The following SPTLC3 variants were observed in gnomAD, a reference collection of about 807,000 sequenced individuals.
The protein encoded by SPTLC3 is serine palmitoyltransferase long chain base subunit 3, also known as serine palmitoyltransferase 3.
In SPTLC3, 36 loss-of-function variants were observed where a neutral mutation model predicts 59.3. That is an observed-to-expected ratio of 0.61 (90% CI 0.47 to 0.80). SPTLC3 has a LOEUF of 0.80. Among genes scored for constraint, SPTLC3 ranks in the 30% least tolerant of loss-of-function variants. SPTLC3 has a pLI of 0.00. For synonymous variants in SPTLC3, 257 were observed against 240.8 expected (o/e 1.07, Z -0.62); for missense variants, 625 against 685.1 (o/e 0.91, Z 0.98).
chr20:13,096,546 A>G (rs1004078373), intron 6 of SPTLC3, among the ~76,000 whole-genome samples: 1 of 152,130 alleles, frequency 6.6e-6, no homozygotes, highest in Non-Finnish European at 1.5e-5. Flanking sequence ...ACAAACGTGT[A>G]TACATACTGT....
intron 4 of SPTLC3, among the ~76,000 whole-genome samples, chr20:13,082,429 T>C (rs1184305805): frequency 6.6e-6 from 1 of 151,966 alleles, no homozygotes; most frequent in Non-Finnish European, 1.5e-5. Context: ...TGCCCCCTGT[T>C]TTTGTACAGT....
intron 2 of SPTLC3, among the ~76,000 whole-genome samples, chr20:13,059,605 C>T (rs556478057): frequency 2.6e-5 from 4 of 152,148 alleles, no homozygotes; most frequent in African/African-American, 9.7e-5. Flanking sequence ...TGGCAATTAA[C>T]GGTTACAGAT....
chr20:13,114,051 A>C (rs1051543497), intron 7 of SPTLC3, among the ~76,000 whole-genome samples: 4 of 152,172 alleles, frequency 2.6e-5, no homozygotes, highest in African/African-American at 9.7e-5. Context: ...GGGGATTAAA[A>C]CCAGGTGGCC....
intron 11 of SPTLC3, among the ~76,000 whole-genome samples, chr20:13,163,961 T>A (rs2038946860): frequency 6.6e-6 from 1 of 152,268 alleles, no homozygotes; most frequent in African/African-American, 2.4e-5. Flanking sequence ...CGTGCAGGTT[T>A]GTTACATATG....
chr20:13,104,449 T>G (rs567569336), intron 6 of SPTLC3, among the ~76,000 whole-genome samples: 1 of 152,196 alleles, frequency 6.6e-6, no homozygotes, highest in Non-Finnish European at 1.5e-5. Flanking sequence ...TCACGTAAGA[T>G]GTGCCTTTCC....
At chr20:13,060,377 GTTATTTAT>G (rs60787251) in intron 2 of SPTLC3, among the ~76,000 whole-genome samples, 61,253 of 146,078 alleles carry the variant, frequency 0.42, 12,589 homozygotes, top group Middle Eastern at 0.49. Context: ...AAGAGCTAAA[GTTATTTAT>G]TTATTTATTT....
chr20:13,087,026 C>A (rs1189720643), intron 4 of SPTLC3, among the ~76,000 whole-genome samples: 1 of 152,138 alleles, frequency 6.6e-6, no homozygotes, highest in Non-Finnish European at 1.5e-5. Flanking sequence ...AGACTCCTGA[C>A]TTCAAGTAAT....
intron 1 of SPTLC3, among the ~76,000 whole-genome samples, chr20:13,026,315 C>A (rs936386240): frequency 1.3e-5 from 2 of 152,196 alleles, no homozygotes; most frequent in Non-Finnish European, 2.9e-5. Context: ...CTGTCATCCA[C>A]AATGGTTGAA....
intron 6 of SPTLC3, among the ~76,000 whole-genome samples, chr20:13,096,320 G>A (rs928165730): frequency 3.3e-5 from 5 of 151,962 alleles, no homozygotes; most frequent in African/African-American, 1.2e-4. Flanking sequence ...TAAAAGTCTT[G>A]TACAAGAATG....
intron 8 of SPTLC3, 117 bp from the exon 9 acceptor site, chr20:13,126,474 T>C: frequency 1.6e-6 from 2 of 1,233,658 alleles, no homozygotes; most frequent in Non-Finnish European, 2.2e-6. Context: ...CATTCATCTT[T>C]TGAGCATGAG....
chr20:13,164,532 G>T, intron 11 of SPTLC3: 1 of 576,340 alleles, frequency 1.7e-6, no homozygotes. Context: ...AACATTCATA[G>T]TATGGAGTTA....
At chr20:13,039,511 A>T (rs1418145359) in intron 1 of SPTLC3, among the ~76,000 whole-genome samples, 2 of 152,044 alleles carry the variant, frequency 1.3e-5, no homozygotes, top group Non-Finnish European at 2.9e-5. Context: ...TCTGAATCAA[A>T]AGTGTATCTA....
At chr20:13,018,708 C>T (rs1985692490) in intron 1 of SPTLC3, among the ~76,000 whole-genome samples, 1 of 152,142 alleles carries the variant, frequency 6.6e-6, no homozygotes, top group African/African-American at 2.4e-5. Context: ...AAAATTTTCT[C>T]TCACTGTTGA....
At chr20:13,034,744 C>A (rs1389227352) in intron 1 of SPTLC3, among the ~76,000 whole-genome samples, 2 of 151,948 alleles carry the variant, frequency 1.3e-5, no homozygotes, top group East Asian at 3.9e-4. Context: ...AATAGTGTAT[C>A]ATTTGCGTCA....
At chr20:13,090,957 C>G in intron 4 of SPTLC3, 126 bp from the exon 5 acceptor site, 2 of 1,329,032 alleles carry the variant, frequency 1.5e-6, no homozygotes, top group Non-Finnish European at 2.1e-6. Context: ...AGGGCAATGG[C>G]AAATCTTCCT....
rs780208643 is a variant in SPTLC3, at chr20:13,160,025, G to C, written c.1438G>C (p.Glu480Gln). The change falls in exon 11 of 12, where the codon GAG becomes CAG. Residue 480 changes from glutamate (E) to glutamine (Q), a missense_variant. Coordinates refer to ENST00000399002, the MANE Select transcript of SPTLC3 (RefSeq NM_018327.4). Reference sequence around the variant, plus strand: ...AAGGGCTTTTGCAAGGCATATGCTAGAGAAAAAAATTGGAGTGGTGGTCGT... The same window carrying C: ...AAGGGCTTTTGCAAGGCATATGCTACAGAAAAAAATTGGAGTGGTGGTCGT... ...KVAAFARHML[E>Q]KKIGVVVVGF... The C allele has an allele frequency of 1.1e-5, 17 of 1,612,726 alleles. No individual in the cohort carries two copies. Among genetic ancestry groups the C allele is most frequent in the Non-Finnish European group, 1.4e-5 (16 of 1,179,696 alleles).
chr20:13,153,630 G>C (rs1196070639), intron 9 of SPTLC3, among the ~76,000 whole-genome samples: 1 of 152,132 alleles, frequency 6.6e-6, no homozygotes, highest in African/African-American at 2.4e-5. Flanking sequence ...TGTGGGGGGT[G>C]GGGGAAGTGG....
chr20:13,082,369 T>C (rs570381763), intron 4 of SPTLC3, among the ~76,000 whole-genome samples: 45 of 152,188 alleles, frequency 3.0e-4, no homozygotes, highest in Non-Finnish European at 6.0e-4. Flanking sequence ...ATACTGCTCA[T>C]AGCAAAAACT....
intron 1 of SPTLC3, 32 bp from the exon 2 acceptor site, chr20:13,048,913 T>C: frequency 6.6e-7 from 1 of 1,525,120 alleles, no homozygotes; most frequent in Non-Finnish European, 8.8e-7. Context: ...AACAGGAGAA[T>C]GCTAACCTTG....
Sources: gnomAD v4.1 joint callset for allele counts (sites outside exome capture counted in the v4.1 genomes callset) on GRCh38, gnomAD v4.1.1 for gene constraint, MANE v1.5 for transcripts, NCBI Gene and HGNC (gene_info 2026-07-23, HGNC 2026-07-21) for gene names.